The following ACOX1 variants were observed in gnomAD, a reference collection of about 807,000 sequenced individuals.
ACOX1 encodes peroxisomal acyl-coenzyme A oxidase 1.
Under a neutral mutation model 75.5 loss-of-function variants are expected in ACOX1, and 41 were observed. The ratio of observed to expected loss-of-function variants is 0.54; its 90% confidence interval spans 0.42 to 0.70. The LOEUF (loss-of-function observed/expected upper bound fraction) is 0.70, where lower values mean the gene tolerates loss of function less well. ACOX1 is among the 30% of genes least tolerant of loss of function. ACOX1 has a pLI of 0.00. For synonymous variants in ACOX1, 303 were observed against 298.8 expected (o/e 1.01, Z -0.15); for missense variants, 630 against 837.5 (o/e 0.75, Z 3.06).
chr17:75,957,969 A>G (rs751371529), intron 3 of ACOX1, among the ~76,000 whole-genome samples: 35 of 152,204 alleles, frequency 2.3e-4, no homozygotes, highest in Admixed American at 9.2e-4. Context: ...TATTGTGTTA[A>G]CCACACCAAT....
intron 2 of ACOX1, among the ~76,000 whole-genome samples, chr17:75,962,567 G>A (rs571439763): frequency 6.6e-6 from 1 of 152,252 alleles, no homozygotes; most frequent in South Asian, 2.1e-4. Context: ...GCAAGGTAGG[G>A]AGGAAAAGAA....
At chr17:75,961,887 G>C (rs2065892019) in intron 2 of ACOX1, among the ~76,000 whole-genome samples, 1 of 152,060 alleles carries the variant, frequency 6.6e-6, no homozygotes, top group South Asian at 2.1e-4. Context: ...TCGGAGAACA[G>C]AGAATTTGAG....
chr17:75,960,478 G>C lies in ACOX1; in HGVS notation c.270-103C>G. ...AGGGAAGGAGACAAAAAAACCTTAA[G>C]TATGAATTAGTTGCGTGCACTTAAT... On this transcript the variant is annotated intron_variant, in intron 2 of 13. Transcript: ENST00000293217. The surrounding 1 kb of genome is among the most constrained non-coding windows in gnomAD (Gnocchi z 4.4). 1 of 1,185,082 alleles carries C rather than the reference G, an allele frequency of 8.4e-7. No individual in the cohort carries two copies. Among genetic ancestry groups the C allele is most frequent in the Non-Finnish European group, 1.2e-6 (1 of 823,520 alleles). 73.4% of individuals were successfully genotyped at this position (1,185,082 alleles called of 1,614,324 possible). A position where few individuals can be genotyped will look rare whatever the true frequency, so the allele number is the denominator to read the frequency against.
At chr17:75,968,620 A>AG in intron 2 of ACOX1, among the ~76,000 whole-genome samples, 2 of 146,200 alleles carry the variant, frequency 1.4e-5, no homozygotes, top group African/African-American at 2.6e-5. Context: ...AAAAAAAAAA[A>AG]AAAAGAAATA....
chr17:75,978,341 C>T lies in ACOX1; in HGVS notation c.269+193G>A. ...ATCTCCTGACTTGGTGATCCGCCCG[C>T]CTCGGCCTCCCAAAGTGCTGGGATT... On this transcript the variant is annotated intron_variant, in intron 2 of 13. Coordinates refer to ENST00000293217, the MANE Select transcript of ACOX1 (RefSeq NM_004035.7). This position sits in a 1 kb window ranked among gnomAD's most constrained non-coding sequence, Gnocchi z 4.2. 2 of 594,342 alleles carry T rather than the reference C, an allele frequency of 3.4e-6. No homozygotes were observed. Among genetic ancestry groups the T allele is most frequent in the South Asian group, 1.7e-5 (1 of 60,348 alleles). The allele number at this position is 594,342 out of a possible 1,614,324, so 36.8% of individuals were successfully genotyped here.
rs373959867 is a variant in ACOX1, at chr17:75,958,538, G to A, written c.431-972C>T. Among the ~76,000 whole-genome samples the A allele has an allele frequency of 1.3e-3, 198 of 148,230 alleles. 5 individuals are homozygous for A. In the South Asian group the frequency reaches 0.039, roughly 29 times the overall value. ...AACAAAAAAATTAAAGCTGGGCACGGTGGCTCACGCCTGTAATCCCAGCAC... is the reference window on the plus strand; with the variant it reads ...AACAAAAAAATTAAAGCTGGGCACGATGGCTCACGCCTGTAATCCCAGCAC... On this transcript the variant is annotated intron_variant, in intron 3 of 13. Coordinates refer to ENST00000293217, the MANE Select transcript of ACOX1 (RefSeq NM_004035.7).
At chr17:75,947,700 G>A (rs1276174202) in intron 13 of ACOX1, among the ~76,000 whole-genome samples, 2 of 149,336 alleles carry the variant, frequency 1.3e-5, no homozygotes, top group East Asian at 2.0e-4. Context: ...GTGTGTGTGT[G>A]TGTGTGTATA....
In ACOX1 at chr17:75,979,008, G is replaced by T; in HGVS notation, c.66C>A (p.Ile22=). The part of the protein sequence containing the change: ...ASFNPELLTH[I]LDGSPEKTRR... ...GGGTTTTCTCGGGGCTGCCGTCCAG[G>T]ATGTGTGTAAGCAGCTCCGGGTTGA... The change falls in exon 1 of 14, where the codon ATC becomes ATA. Residue 22 remains isoleucine, a synonymous_variant. Transcript: ENST00000293217. 6.2e-7 allele frequency: 1 copy of T among 1,612,154 alleles called. No homozygotes were observed.
Position 75,948,362 on chromosome 17 carries a change from A to G in ACOX1, c.1824T>C (p.Asp608=). The G allele has an allele frequency of 6.2e-7, 1 of 1,614,202 alleles. No homozygotes were observed. The highest frequency in any genetic ancestry group is 8.5e-7 in the Non-Finnish European group (1 of 1,180,034). Residue 608 remains aspartate, a synonymous_variant, in exon 13 of 14, where the codon GAT becomes GAC. Coordinates refer to ENST00000293217, the MANE Select transcript of ACOX1 (RefSeq NM_004035.7). ...GTGTCACATCCTGAAAATCAAATGCATCAACCAAAGCAACAGCATCTGAGC... is the reference window on the plus strand; with the variant it reads ...GTGTCACATCCTGAAAATCAAATGCGTCAACCAAAGCAACAGCATCTGAGC... The part of the protein sequence containing the change: ...LIRSDAVALV[D]AFDFQDVTLG...
intron 2 of ACOX1, among the ~76,000 whole-genome samples, chr17:75,977,285 T>A (rs1315769591): frequency 6.6e-6 from 1 of 151,950 alleles, no homozygotes; most frequent in Non-Finnish European, 1.5e-5. Context: ...CATGAGCCAC[T>A]GTGCCCGGCC....
At chr17:75,959,998 T>G (rs531533194) in intron 3 of ACOX1, among the ~76,000 whole-genome samples, 39 of 152,308 alleles carry the variant, frequency 2.6e-4, no homozygotes, top group Admixed American at 9.2e-4. Context: ...GAAGGGGAAC[T>G]ATGGTATAAA....
intron 2 of ACOX1, among the ~76,000 whole-genome samples, chr17:75,965,477 A>G (rs1641880781): frequency 6.6e-6 from 1 of 151,998 alleles, no homozygotes; most frequent in Non-Finnish European, 1.5e-5. Context: ...CCAGATAGAG[A>G]AGGAGAAAAA....
chr17:75,949,384 G>C (rs1368337595), intron 11 of ACOX1, 24 bp from the exon 12 acceptor site: 1 of 1,613,872 alleles, frequency 6.2e-7, no homozygotes, highest in Admixed American at 1.7e-5. Flanking sequence ...GAAAACACCA[G>C]AGTTTGAGAA....
chr17:75,965,695 C>T (rs141242808), intron 2 of ACOX1, among the ~76,000 whole-genome samples: 5 of 151,924 alleles, frequency 3.3e-5, no homozygotes, highest in Middle Eastern at 3.4e-3. Flanking sequence ...CAACTGGGCG[C>T]GGTGTCACGA....
intron 2 of ACOX1, among the ~76,000 whole-genome samples, chr17:75,970,293 A>AT (rs1028661912): frequency 6.6e-6 from 1 of 152,112 alleles, no homozygotes; most frequent in Non-Finnish European, 1.5e-5. Context: ...AAATGATTAC[A>AT]TATCTGTGAA....
rs761044896 is a variant in ACOX1 at position 75,948,322 on chromosome 17, C to G, written c.1864G>C (p.Gly622Arg). ...TCATACACATTCCCATCATAGCGGC[C>G]AAGCACAGAGCCAAGTGTCACATCC... ...FQDVTLGSVL[G>R]RYDGNVYENL... Residue 622 changes from glycine (G) to arginine (R), a missense_variant, in exon 13 of 14, where the codon GGC becomes CGC. Transcript: ENST00000293217. 1 of 1,614,106 alleles carries G rather than the reference C, an allele frequency of 6.2e-7. No individual in the cohort carries two copies. Among genetic ancestry groups the G allele is most frequent in the South Asian group, 1.1e-5 (1 of 91,080 alleles).
chr17:75,951,394 T>A (rs772519725), intron 8 of ACOX1, 21 bp downstream of exon 8: 2 of 1,613,836 alleles, frequency 1.2e-6, no homozygotes, highest in Non-Finnish European at 1.7e-6. Flanking sequence ...TGCCCATGAG[T>A]GAATGAGACC....
intron 2 of ACOX1, among the ~76,000 whole-genome samples, chr17:75,977,552 C>T (rs1341710913): frequency 6.6e-6 from 1 of 151,910 alleles, no homozygotes; most frequent in African/African-American, 2.4e-5. Flanking sequence ...GGCGACAGAG[C>T]GAGACTCCGT....
chr17:75,948,429 G>A lies in ACOX1; in HGVS notation c.1757C>T (p.Thr586Ile), dbSNP rs769096965. 1.1e-5 allele frequency: 17 copies of A among 1,614,150 alleles called. No individual in the cohort carries two copies. The South Asian group carries it at 1.4e-4, about 14-fold the overall frequency. The change falls in exon 13 of 14, where the codon ACA (threonine) becomes ATA (isoleucine). Residue 586 changes from threonine to isoleucine, a missense_variant. Thr to Ile is a moderately conservative substitution (Grantham distance 89, BLOSUM62 -1). This residue lies in a region of ACOX1 where 240 missense variants were observed against 262.7 expected (regional missense o/e 0.91). Transcript: ENST00000293217. ...QGSIMTEPQI[T>I]QVNQRVKELL... ...CTCCTTTACACGCTGGTTTACTTGT[G>A]TAATCTGAGGCTCTGTCATGATGCT... is the stretch of plus-strand genomic sequence containing the variant.
Sources: gnomAD v4.1 joint callset for allele counts (sites outside exome capture counted in the v4.1 genomes callset) on GRCh38, gnomAD v4.1.1 for gene constraint, gnomAD v4.1.1 regional missense constraint, Gnocchi (gnomAD v3.1) non-coding constraint, MANE v1.5 for transcripts, NCBI Gene and HGNC (gene_info 2026-07-23, HGNC 2026-07-21) for gene names.